DIP2C: variants seen among roughly 807,000 people sequenced by gnomAD.
DIP2C encodes disco-interacting protein 2 homolog C.
In DIP2C, 33 loss-of-function variants were observed where a neutral mutation model predicts 192.4. That is an observed-to-expected ratio of 0.17 (90% CI 0.13 to 0.23). DIP2C has a LOEUF of 0.23. Among genes scored for constraint, DIP2C ranks in the 10% least tolerant of loss-of-function variants. DIP2C has a pLI of 1.00. For missense variants in DIP2C, 1,537 were observed against 2,110.1 expected, an observed-to-expected ratio of 0.73 and a Z score of 5.32; for synonymous variants, 979 against 864.1, an observed-to-expected ratio of 1.13 and a Z score of -2.33.
chr10:419,358 A>G (rs914197044), intron 5 of DIP2C, among the ~76,000 whole-genome samples, 159 bp from the exon 6 acceptor site: 1 of 152,244 alleles, frequency 6.6e-6, no homozygotes, highest in Non-Finnish European at 1.5e-5. Context: ...ACACACATCC[A>G]GCACAAAGGG....
chr10:358,438 G>C (rs1390492342), intron 22 of DIP2C, among the ~76,000 whole-genome samples: 1 of 148,820 alleles, frequency 6.7e-6, no homozygotes, highest in Non-Finnish European at 1.5e-5. Flanking sequence ...GGACGGGACA[G>C]GATAGAGTCG....
At chr10:579,670 TGTAC>T (rs1346102138) in intron 1 of DIP2C, among the ~76,000 whole-genome samples, 5 of 152,086 alleles carry the variant, frequency 3.3e-5, no homozygotes, top group Admixed American at 2.0e-4. Context: ...CCATAGTGTA[TGTAC>T]GTAAGTGCAG....
At chr10:371,987 C>A (rs1459297349) in intron 17 of DIP2C, among the ~76,000 whole-genome samples, 2 of 152,150 alleles carry the variant, frequency 1.3e-5, no homozygotes, top group East Asian at 3.9e-4. Context: ...AGAACACTGA[C>A]CTGCCGGGCA....
At chr10:488,266 AGGCCACTTCT>A (rs1221085102) in intron 1 of DIP2C, among the ~76,000 whole-genome samples, 1 of 152,204 alleles carries the variant, frequency 6.6e-6, no homozygotes, top group Non-Finnish European at 1.5e-5. Flanking sequence ...CCCAGCTTCC[AGGCCACTTCT>A]GGAGACACGC....
chr10:650,959 C>G, intron 1 of DIP2C: 2 of 717,500 alleles, frequency 2.8e-6, no homozygotes, highest in Non-Finnish European at 5.2e-6. Context: ...GGCTGTTTCT[C>G]TTCCAAAGCC....
At chr10:489,406 A>G (rs1844262416) in intron 1 of DIP2C, among the ~76,000 whole-genome samples, 1 of 152,250 alleles carries the variant, frequency 6.6e-6, no homozygotes, top group Non-Finnish European at 1.5e-5. Context: ...GACGACAGAG[A>G]TGATGGACAG....
chr10:557,713 TGGGCA>T (rs1380390741), intron 1 of DIP2C, among the ~76,000 whole-genome samples: 1 of 28,982 alleles, frequency 3.5e-5, no homozygotes, highest in Non-Finnish European at 5.9e-5. Flanking sequence ...GGGGAGGGGA[TGGGCA>T]GGGCAGGGGA....
chr10:452,243 A>G (rs906077600), intron 3 of DIP2C, among the ~76,000 whole-genome samples: 6 of 152,208 alleles, frequency 3.9e-5, no homozygotes, highest in African/African-American at 1.4e-4. Flanking sequence ...TGACACTTCA[A>G]AACATCCATA....
chr10:592,216 T>C (rs1454490198), intron 1 of DIP2C, among the ~76,000 whole-genome samples: 3 of 152,224 alleles, frequency 2.0e-5, no homozygotes, highest in Non-Finnish European at 4.4e-5. Context: ...CCCATTCAGA[T>C]GACTTCAGGT....
chr10:394,954 C>A (rs567986602), intron 10 of DIP2C, among the ~76,000 whole-genome samples: 88 of 152,070 alleles, frequency 5.8e-4, no homozygotes, highest in Admixed American at 1.0e-3. Flanking sequence ...CACTATTCAG[C>A]CGTCAGTGAG....
intron 1 of DIP2C, among the ~76,000 whole-genome samples, chr10:679,485 A>G (rs1280397544): frequency 1.6e-4 from 3 of 18,652 alleles, no homozygotes; most frequent in African/African-American, 2.9e-4. Flanking sequence ...CCTGCTCCCC[A>G]CACCCCTGCT....
intron 1 of DIP2C, among the ~76,000 whole-genome samples, chr10:655,172 C>G (rs565547069): frequency 1.3e-5 from 2 of 152,188 alleles, no homozygotes; most frequent in East Asian, 3.9e-4. Flanking sequence ...CCATCAGCTT[C>G]TATGTAAAAG....
intron 23 of DIP2C, 105 bp from the exon 24 acceptor site, chr10:356,611 T>C (rs1400000941): frequency 1.1e-5 from 10 of 920,818 alleles, no homozygotes; most frequent in African/African-American, 1.7e-5. Flanking sequence ...GCTGAGTGCT[T>C]TGGGTCTTAA....
At chr10:589,917 T>C (rs7069611) in intron 1 of DIP2C, among the ~76,000 whole-genome samples, 10,857 of 152,230 alleles carry the variant, frequency 0.071, 987 homozygotes, top group African/African-American at 0.21. Context: ...CACAACAGAA[T>C]GAAATTCATA....
chr10:399,861 C>T (rs896639656), intron 9 of DIP2C, among the ~76,000 whole-genome samples: 8 of 152,210 alleles, frequency 5.3e-5, no homozygotes, highest in African/African-American at 1.4e-4. Flanking sequence ...GTGCCACACA[C>T]GTGCATGTGT....
At chr10:536,445 G>A (rs983159759) in intron 1 of DIP2C, among the ~76,000 whole-genome samples, 1 of 152,072 alleles carries the variant, frequency 6.6e-6, no homozygotes, top group African/African-American at 2.4e-5. Flanking sequence ...CAGTCCCGGG[G>A]GCTAGAGTTG....
intron 28 of DIP2C, among the ~76,000 whole-genome samples, chr10:343,918 G>A (rs528539179): frequency 6.6e-6 from 1 of 152,324 alleles, no homozygotes; most frequent in African/African-American, 2.4e-5. Flanking sequence ...ACGAGGGCAT[G>A]GACAACCGTG....
intron 1 of DIP2C, among the ~76,000 whole-genome samples, chr10:656,437 G>A (rs1001880414): frequency 1.3e-5 from 2 of 152,270 alleles, no homozygotes; most frequent in Non-Finnish European, 2.9e-5. Context: ...CTACATAAGA[G>A]CAGAGCCAGT....
At chr10:348,210 C>G (rs751600331) in intron 26 of DIP2C, among the ~76,000 whole-genome samples, 1 of 152,218 alleles carries the variant, frequency 6.6e-6, no homozygotes, top group Non-Finnish European at 1.5e-5. Context: ...ATAGCTGAAT[C>G]CTCTCAAACT....
Sources: gnomAD v4.1 joint callset for allele counts (sites outside exome capture counted in the v4.1 genomes callset) on GRCh38, gnomAD v4.1.1 for gene constraint, MANE v1.5 for transcripts, NCBI Gene and HGNC (gene_info 2026-07-23, HGNC 2026-07-21) for gene names.